The following BMP1 variants were observed in gnomAD, a reference collection of about 807,000 sequenced individuals.
BMP1 encodes bone morphogenetic protein 1, also known as mammalian tolloid protein.
In BMP1, 63 loss-of-function variants were observed where a neutral mutation model predicts 116.8. That is an observed-to-expected ratio of 0.54 (90% CI 0.44 to 0.67). The LOEUF (loss-of-function observed/expected upper bound fraction) is 0.67, where lower values mean the gene tolerates loss of function less well. BMP1 is among the 30% of genes least tolerant of loss of function. BMP1 has a pLI of 0.00. For missense variants in BMP1, 1,183 were observed against 1,358.9 expected, an observed-to-expected ratio of 0.87 and a Z score of 2.04; for synonymous variants, 536 against 533.4, an observed-to-expected ratio of 1.00 and a Z score of -0.07.
intron 9 of BMP1, 138 bp downstream of exon 9, chr8:22,192,289 T>C: frequency 2.9e-6 from 2 of 678,716 alleles, no homozygotes; most frequent in Non-Finnish European, 5.0e-6. Flanking sequence ...AGTCCTGGCA[T>C]CATTAGTCCC....
intron 15 of BMP1, chr8:22,199,150 C>T (rs1370913676): frequency 8.8e-6 from 12 of 1,367,558 alleles, no homozygotes; most frequent in African/African-American, 1.5e-5. Context: ...CGCCCACACG[C>T]ACACACATGT....
intron 15 of BMP1, chr8:22,198,991 C>G: frequency 7.7e-7 from 1 of 1,301,020 alleles, no homozygotes; most frequent in Non-Finnish European, 1.0e-6. Flanking sequence ...CCTGCTTACT[C>G]TCGTCTCTTC....
chr8:22,173,871 C>G (rs940091541), intron 2 of BMP1, among the ~76,000 whole-genome samples, 156 bp downstream of exon 2: 15 of 152,232 alleles, frequency 9.9e-5, no homozygotes, highest in Non-Finnish European at 1.0e-4. Flanking sequence ...ATATCTTCAT[C>G]CCTTCCCCAG....
At chr8:22,178,394 A>C (rs1264395716) in intron 6 of BMP1, among the ~76,000 whole-genome samples, 1 of 152,130 alleles carries the variant, frequency 6.6e-6, no homozygotes, top group Non-Finnish European at 1.5e-5. Flanking sequence ...GGCTCAAGGA[A>C]TCGTCCCGTC....
intron 5 of BMP1, 108 bp downstream of exon 5, chr8:22,177,247 TG>T: frequency 4.1e-6 from 5 of 1,215,374 alleles, no homozygotes; most frequent in Non-Finnish European, 5.7e-6. Context: ...CGTCATCGCC[TG>T]GGCCCGCAGC....
chr8:22,179,474 G>A lies in BMP1; in HGVS notation c.837-231G>A, dbSNP rs970846618. Among the ~76,000 whole-genome samples the A allele has an allele frequency of 2.6e-5, 4 of 152,162 alleles. No individual in the cohort carries two copies. The highest frequency in any genetic ancestry group is 9.7e-5 in the African/African-American group (4 of 41,418). On this transcript the variant is annotated intron_variant, in intron 6 of 19. Transcript: ENST00000306385. The surrounding 1 kb of genome is among the most constrained non-coding windows in gnomAD (Gnocchi z 4.6). ...GGACCTGCATCCCTGACCTCCCAAA[G>A]TGTTCCTGGGGCTCCCCCGACTCCT...
intron 2 of BMP1, among the ~76,000 whole-genome samples, chr8:22,175,870 A>G (rs978422381): frequency 6.6e-6 from 1 of 152,218 alleles, no homozygotes; most frequent in African/African-American, 2.4e-5. Flanking sequence ...ACACTTGGTT[A>G]CACAATGAGA....
In BMP1 at chr8:22,206,963, C is replaced by A; in HGVS notation, c.2343C>A (p.Pro781=). ...GCACGTGGGCCATCTCCAGCACCCC[C>A]GGGCACCGGGTCAAGCTGGTAAGGG... ...KECTWAISST[P]GHRVKLTFME... is the part of the protein sequence containing the mutation. The change falls in exon 17 of 20, where the codon CCC becomes CCA. Residue 781 remains proline, a synonymous_variant. Coordinates refer to ENST00000306385, the MANE Select transcript of BMP1 (RefSeq NM_006129.5). The A allele has an allele frequency of 6.2e-7, 1 of 1,614,170 alleles. No individual in the cohort carries two copies. Among genetic ancestry groups the A allele is most frequent in the Non-Finnish European group, 8.5e-7 (1 of 1,180,018 alleles).
intron 8 of BMP1, among the ~76,000 whole-genome samples, chr8:22,191,085 C>T (rs1227528854): frequency 6.6e-6 from 1 of 152,186 alleles, no homozygotes; most frequent in Admixed American, 6.5e-5. Context: ...TTGGTACTTA[C>T]CAAGATGTAA....
At chr8:22,180,506 A>T in intron 8 of BMP1, 23 bp downstream of exon 8, 10 of 1,603,532 alleles carry the variant, frequency 6.2e-6, no homozygotes, top group Non-Finnish European at 8.5e-6. Context: ...TCAGCCTCTG[A>T]GCCTCCCCCT....
rs1426726501 is a variant in BMP1 at position 22,194,060 on chromosome 8, C to T, written c.1183C>T (p.Arg395Cys). The T allele has an allele frequency of 9.3e-6, 15 of 1,613,622 alleles. No homozygotes were observed. The East Asian group carries it at 2.7e-4, about 29-fold the overall frequency. ...TTCCATCCACACTGTCTGTGCAGGC[C>T]GCTTCTGCGGGTCCAAACTCCCTGA... is the stretch of plus-strand genomic sequence containing the variant. ...GFWRKAPLRG[R>C]FCGSKLPEPI... Residue 395 changes from arginine (R) to cysteine (C), a missense_variant and splice_region_variant, in exon 10 of 20, where the codon CGC becomes TGC. Physicochemically the swap from Arg to Cys is radical, Grantham distance 180. Transcript: ENST00000306385. The surrounding 1 kb of genome is among the most constrained non-coding windows in gnomAD (Gnocchi z 4.5).
rs1829470194 is a variant in BMP1, at chr8:22,211,960, C to T, written c.*232C>T. The T allele has an allele frequency of 1.7e-6, 1 of 604,878 alleles. No homozygotes were observed. The allele number at this position is 604,878 out of a possible 1,614,324, so 37.5% of individuals were successfully genotyped here. ...GGCTGGGGCCAGGGAGCAGAGCTTCCACAAGACATTTCGAAGTCATCATTC... is the reference window on the plus strand; with the variant it reads ...GGCTGGGGCCAGGGAGCAGAGCTTCTACAAGACATTTCGAAGTCATCATTC... On this transcript the variant is annotated 3_prime_UTR_variant, in exon 20 of 20. Coordinates refer to ENST00000306385, the MANE Select transcript of BMP1 (RefSeq NM_006129.5).
intron 2 of BMP1, among the ~76,000 whole-genome samples, chr8:22,174,353 T>C (rs1186606715): frequency 6.6e-6 from 1 of 152,246 alleles, no homozygotes; most frequent in Non-Finnish European, 1.5e-5. Flanking sequence ...TGCTCCTATG[T>C]CTCCCTAGCT....
chr8:22,212,041 C>A lies in BMP1; in HGVS notation c.*313C>A, dbSNP rs1167759413. 9.6e-6 allele frequency: 4 copies of A among 416,104 alleles called. No individual in the cohort carries two copies. Among genetic ancestry groups the A allele is most frequent in the Admixed American group, 3.5e-5 (1 of 28,672 alleles). 25.8% of individuals were successfully genotyped at this position (416,104 alleles called of 1,614,324 possible). A position where few individuals can be genotyped will look rare whatever the true frequency, so the allele number is the denominator to read the frequency against. On this transcript the variant is annotated 3_prime_UTR_variant, in exon 20 of 20. Transcript: ENST00000306385. ...AGGGAATGTCAGCAGGACCCCATCG[C>A]CATCCCTGTGTCTCTACACGCTGTA... is the stretch of plus-strand genomic sequence containing the variant.
At chr8:22,207,250 C>T (rs1829378776) in intron 17 of BMP1, 53 bp from the exon 18 acceptor site, 9 of 1,573,278 alleles carry the variant, frequency 5.7e-6, no homozygotes, top group Non-Finnish European at 7.8e-6. Flanking sequence ...CATCCTTGCC[C>T]CACCTGCCTT....
At chr8:22,195,696 A>T in intron 13 of BMP1, 109 bp downstream of exon 13, 1 of 1,464,546 alleles carries the variant, frequency 6.8e-7, no homozygotes, top group Non-Finnish European at 9.1e-7. Flanking sequence ...CCCAGGCTGG[A>T]AGTACAGTGG....
At chr8:22,177,723 G>A (rs771743796) in intron 5 of BMP1, 129 bp from the exon 6 acceptor site, 13 of 790,570 alleles carry the variant, frequency 1.6e-5, no homozygotes, top group African/African-American at 1.0e-4. Flanking sequence ...GCTGCTCCCC[G>A]GACCCTCAGG....
chr8:22,176,613 G>A lies in BMP1; in HGVS notation c.514G>A (p.Glu172Lys). ...TCVTFLERTD[E>K]DSYIVFTYRP... is the part of the protein sequence containing the mutation. ...TGTCACCTTCCTGGAGCGCACTGAC[G>A]AGGACAGCTATATTGTGTTCACCTA... Residue 172 changes from glutamate to lysine, a missense_variant, in exon 4 of 20, where the codon GAG (glutamate) becomes AAG (lysine). Physicochemically the swap from Glu to Lys is moderately conservative, Grantham distance 56. This residue lies in a region of BMP1 where 956 missense variants were observed against 1,135.2 expected (regional missense o/e 0.84). Transcript: ENST00000306385. The A allele has an allele frequency of 6.2e-7, 1 of 1,614,192 alleles. No individual in the cohort carries two copies. The highest frequency in any genetic ancestry group is 8.5e-7 in the Non-Finnish European group (1 of 1,180,010).
At chr8:22,192,614 T>C (rs2131879701) in intron 9 of BMP1, among the ~76,000 whole-genome samples, 1 of 152,334 alleles carries the variant, frequency 6.6e-6, no homozygotes, top group African/African-American at 2.4e-5. Context: ...GCCCATCTCC[T>C]AACTCACTGC....
Sources: gnomAD v4.1 joint callset for allele counts (sites outside exome capture counted in the v4.1 genomes callset) on GRCh38, gnomAD v4.1.1 for gene constraint, gnomAD v4.1.1 regional missense constraint, Gnocchi (gnomAD v3.1) non-coding constraint, MANE v1.5 for transcripts, NCBI Gene and HGNC (gene_info 2026-07-23, HGNC 2026-07-21) for gene names.